Variants in TSPAN7 observed in about 807,000 individuals in gnomAD.
TSPAN7 encodes the protein tetraspanin-7.
In TSPAN7, 1 loss-of-function variant was observed where a neutral mutation model predicts 17.6. The observed-to-expected ratio is 0.06, with a 90% CI of 0.02 to 0.27. TSPAN7 has a LOEUF of 0.27. Ranked by LOEUF, TSPAN7 falls within the 10% of genes least tolerant of loss-of-function variation. TSPAN7 has a pLI of 1.00. For missense variants in TSPAN7, 112 were observed against 201.7 expected, an observed-to-expected ratio of 0.56 and a Z score of 2.69; for synonymous variants, 78 against 79.0, an observed-to-expected ratio of 0.99 and a Z score of 0.07.
At chrX:38,599,607 C>T (rs2069335306) in intron 1 of TSPAN7, among the ~76,000 whole-genome samples, 1 of 111,095 alleles carries the variant, frequency 9.0e-6, no homozygotes, top group South Asian at 3.8e-4. Flanking sequence ...TTGAGTCAAT[C>T]AAGTACTGGG....
At chrX:38,573,364 G>C (rs2069179159) in intron 1 of TSPAN7, among the ~76,000 whole-genome samples, 1 of 111,468 alleles carries the variant, frequency 9.0e-6, no homozygotes, top group Non-Finnish European at 1.9e-5. Flanking sequence ...TCCTATTTAG[G>C]ATGAATAAAT....
At chrX:38,586,931 G>C (rs2069261180) in intron 1 of TSPAN7, among the ~76,000 whole-genome samples, 1 of 112,662 alleles carries the variant, frequency 8.9e-6, no homozygotes, top group African/African-American at 3.2e-5. Flanking sequence ...CTCTCTGCCA[G>C]TTTGTTACCT....
intron 1 of TSPAN7, among the ~76,000 whole-genome samples, chrX:38,643,302 A>G (rs1189017123): frequency 4.5e-5 from 5 of 109,922 alleles, no homozygotes; most frequent in African/African-American, 1.7e-4. Flanking sequence ...ATAAAAAAGG[A>G]TGTGTAAATA....
chrX:38,662,881 A>T (rs998846063), intron 1 of TSPAN7, among the ~76,000 whole-genome samples: 1 of 110,143 alleles, frequency 9.1e-6, no homozygotes, highest in Non-Finnish European at 1.9e-5. Context: ...TGAGAGGAAC[A>T]TGAGTCCCTC....
At chrX:38,582,732 G>A (rs1338996104) in intron 1 of TSPAN7, among the ~76,000 whole-genome samples, 4 of 112,338 alleles carry the variant, frequency 3.6e-5, no homozygotes, top group Non-Finnish European at 5.6e-5. Flanking sequence ...GTTACCTTTT[G>A]TGTGAAAAGT....
chrX:38,652,311 G>A (rs1361300673), intron 1 of TSPAN7, among the ~76,000 whole-genome samples: 1 of 111,989 alleles, frequency 8.9e-6, no homozygotes, highest in African/African-American at 3.2e-5. Flanking sequence ...ATGAGAACAG[G>A]TTTTGAGAAA....
At chrX:38,681,490 G>C (rs1396152470) in intron 6 of TSPAN7, among the ~76,000 whole-genome samples, 2 of 112,276 alleles carry the variant, frequency 1.8e-5, no homozygotes, top group African/African-American at 6.5e-5. Flanking sequence ...GGGAATATCA[G>C]TTACAGTTAA....
intron 1 of TSPAN7, among the ~76,000 whole-genome samples, chrX:38,607,340 A>T (rs1190888785): frequency 1.8e-5 from 2 of 112,055 alleles, no homozygotes; most frequent in African/African-American, 6.5e-5. Flanking sequence ...GCAGATCTTG[A>T]AACAGAAAAA....
chrX:38,574,289 A>G (rs1185534803), intron 1 of TSPAN7, among the ~76,000 whole-genome samples: 1 of 112,267 alleles, frequency 8.9e-6, no homozygotes, highest in Non-Finnish European at 1.9e-5. Context: ...GGAGAAAGAG[A>G]TAAAATTATC....
rs2069821420 is a variant in TSPAN7, at chrX:38,671,644, C to T, written c.345+194C>T. On this transcript the variant is annotated intron_variant, in intron 3 of 7. Transcript: ENST00000378482. ...TGTGGGAATTCCACCAAGCTTGAAA[C>T]CTTCATTGTTGATCTTCACTGTTTC... is the stretch of plus-strand genomic sequence containing the variant. 3.6e-5 allele frequency among the ~76,000 whole-genome samples: 4 copies of T among 111,561 alleles called. No homozygotes were observed. In the Admixed American group the frequency reaches 3.8e-4, roughly 11 times the overall value.
intron 5 of TSPAN7, among the ~76,000 whole-genome samples, chrX:38,679,217 A>T (rs1348200289): frequency 8.9e-6 from 1 of 112,229 alleles, no homozygotes; most frequent in Non-Finnish European, 1.9e-5. Flanking sequence ...CCAGAAAAAA[A>T]TCTATGCCAA....
intron 1 of TSPAN7, among the ~76,000 whole-genome samples, chrX:38,588,950 A>G (rs1340131209): frequency 9.0e-6 from 1 of 111,566 alleles, no homozygotes; most frequent in African/African-American, 3.3e-5. Context: ...TTAAATTCCC[A>G]TTTGTCTCTA....
intron 1 of TSPAN7, among the ~76,000 whole-genome samples, chrX:38,576,127 G>A (rs1007275630): frequency 8.9e-6 from 1 of 112,308 alleles, no homozygotes; most frequent in Admixed American, 9.4e-5. Flanking sequence ...GAATGAGTAA[G>A]GCTATAGTCC....
chrX:38,595,770 G>T (rs775645561), intron 1 of TSPAN7, among the ~76,000 whole-genome samples: 1 of 111,829 alleles, frequency 8.9e-6, no homozygotes, highest in Admixed American at 9.4e-5. Flanking sequence ...CTATCAAGTT[G>T]GAATCAGTGG....
intron 1 of TSPAN7, among the ~76,000 whole-genome samples, chrX:38,583,866 C>T (rs2069240585): frequency 9.1e-6 from 1 of 110,227 alleles, no homozygotes; most frequent in African/African-American, 3.3e-5. Context: ...CCTGCGTTGA[C>T]AGCATCGCCA....
At chrX:38,687,524 A>T in intron 6 of TSPAN7, 75 bp from the exon 7 acceptor site, 1 of 940,757 alleles carries the variant, frequency 1.1e-6, no homozygotes, top group Non-Finnish European at 1.5e-6. Flanking sequence ...AATATATAAA[A>T]TTATTAATTA....
intron 5 of TSPAN7, among the ~76,000 whole-genome samples, chrX:38,676,317 C>T (rs1180043738): frequency 3.6e-5 from 4 of 111,258 alleles, no homozygotes; most frequent in Non-Finnish European, 7.5e-5. Context: ...AGGGAGTTTA[C>T]TGCCATAGGA....
intron 1 of TSPAN7, among the ~76,000 whole-genome samples, chrX:38,569,886 A>G (rs2069161099): frequency 2.7e-5 from 3 of 111,914 alleles, no homozygotes; most frequent in Admixed American, 9.5e-5. Context: ...ATTGTGAGTG[A>G]TTGAATAGAG....
chrX:38,680,707 T>C lies in TSPAN7; in HGVS notation c.598-497T>C, dbSNP rs144301751. ...CAAACACTTCCCTCTAGCCAGATGA[T>C]TTCGGTTTGTTTATTCAAGATTTCA... On this transcript the variant is annotated intron_variant, in intron 5 of 7. Transcript: ENST00000378482. Among the ~76,000 whole-genome samples the C allele has an allele frequency of 6.3e-3, 699 of 111,024 alleles. 6 individuals are homozygous for C. The highest frequency in any genetic ancestry group is 0.021 in the African/African-American group (653 of 30,557).
Sources: gnomAD v4.1 joint callset for allele counts (sites outside exome capture counted in the v4.1 genomes callset) on GRCh38, gnomAD v4.1.1 for gene constraint, MANE v1.5 for transcripts, NCBI Gene and HGNC (gene_info 2026-07-23, HGNC 2026-07-21) for gene names.